Variants in NTM observed in about 807,000 individuals in gnomAD.
NTM encodes neurotrimin.
In NTM, 13 loss-of-function variants were observed where a neutral mutation model predicts 42.1. The ratio of observed to expected loss-of-function variants is 0.31; its 90% CI spans 0.20 to 0.49. The LOEUF is 0.49. NTM is among the 20% of genes least tolerant of loss of function. The pLI is 0.99. For missense variants in NTM, 373 were observed against 452.8 expected (o/e 0.82, Z 1.60); for synonymous variants, 187 against 179.2 (o/e 1.04, Z -0.35).
At chr11:132,276,361 C>T (rs2218731) in intron 4 of NTM, among the ~76,000 whole-genome samples, 34,784 of 152,010 alleles carry the variant, frequency 0.23, 4,864 homozygotes, top group East Asian at 0.66. Context: ...TAGTCAATAA[C>T]GGGATTCTTG....
chr11:132,230,016 T>G (rs1379593318), intron 4 of NTM, among the ~76,000 whole-genome samples: 1 of 152,254 alleles, frequency 6.6e-6, no homozygotes, highest in Non-Finnish European at 1.5e-5. Flanking sequence ...TCATTTAACC[T>G]GTACATGAGA....
intron 2 of NTM, among the ~76,000 whole-genome samples, chr11:131,927,377 C>T (rs1428511267): frequency 6.6e-6 from 1 of 152,186 alleles, no homozygotes; most frequent in African/African-American, 2.4e-5. Flanking sequence ...AAGCACCACA[C>T]CAGGATCCTG....
chr11:131,952,662 A>G (rs1015887977), intron 2 of NTM, among the ~76,000 whole-genome samples: 6 of 152,166 alleles, frequency 3.9e-5, no homozygotes, highest in Non-Finnish European at 1.5e-5. Context: ...AGACAGTGTG[A>G]CTGCATTTTT....
In NTM at chr11:132,065,852, A is replaced by G. The variant is rs111675103; in HGVS notation, c.168-80430A>G. Among the ~76,000 whole-genome samples the G allele has an allele frequency of 7.9e-4, 121 of 152,358 alleles. 1 individual carries two copies. Among genetic ancestry groups the G allele is most frequent in the African/African-American group, 2.6e-3 (107 of 41,578 alleles). ...TTGCTTACATTAAACTCAGAAAGGT[A>G]CAGAAACTTATCTGTGAGCACGTGG... On this transcript the variant is annotated intron_variant, in intron 2 of 8. Transcript: ENST00000683400.
At chr11:131,959,702 A>T (rs1352349064) in intron 2 of NTM, among the ~76,000 whole-genome samples, 6 of 152,202 alleles carry the variant, frequency 3.9e-5, no homozygotes, top group Admixed American at 3.9e-4. Context: ...ACTCTGACTG[A>T]TCAAGGTTGG....
chr11:131,738,152 C>T (rs1379207907), intron 1 of NTM, among the ~76,000 whole-genome samples: 2 of 152,160 alleles, frequency 1.3e-5, no homozygotes, highest in African/African-American at 2.4e-5. Flanking sequence ...GGCCAGCCCT[C>T]ACTCCTGGGT....
chr11:131,393,977 C>T (rs12417331), intron 1 of NTM, among the ~76,000 whole-genome samples: 1,898 of 152,264 alleles, frequency 0.012, 17 homozygotes, highest in Middle Eastern at 0.048. Context: ...TTAATAAGGC[C>T]GCTTTTTAAT....
intron 3 of NTM, among the ~76,000 whole-genome samples, chr11:132,183,975 C>T (rs1474552025): frequency 6.6e-6 from 1 of 150,832 alleles, no homozygotes; most frequent in Non-Finnish European, 1.5e-5. Flanking sequence ...TGAAAAAATC[C>T]TTCAGAAAAA....
chr11:132,096,466 G>T (rs561215203), intron 2 of NTM, among the ~76,000 whole-genome samples: 1 of 152,152 alleles, frequency 6.6e-6, no homozygotes, highest in Non-Finnish European at 1.5e-5. Flanking sequence ...ATGGGGAATA[G>T]AAATAGAACC....
intron 1 of NTM, among the ~76,000 whole-genome samples, chr11:131,742,412 G>T (rs2081306877): frequency 6.6e-6 from 1 of 151,900 alleles, no homozygotes; most frequent in Admixed American, 6.6e-5. Flanking sequence ...TTTATATTGT[G>T]ATAAAGACTA....
chr11:131,538,208 A>G (rs2052583568), intron 1 of NTM: 1 of 152,172 alleles, frequency 6.6e-6, no homozygotes, highest in South Asian at 2.1e-4. Context: ...GTTCCCCTGC[A>G]ATTCCAGCAA....
chr11:132,199,734 GT>G (rs777172375), intron 3 of NTM, among the ~76,000 whole-genome samples: 519 of 152,152 alleles, frequency 3.4e-3, no homozygotes, highest in Non-Finnish European at 4.0e-3. Context: ...AAGTTCACTT[GT>G]AATTTTTTTT....
chr11:131,540,196 C>T (rs2053018520), intron 1 of NTM, among the ~76,000 whole-genome samples: 2 of 114,028 alleles, frequency 1.8e-5, no homozygotes, highest in Admixed American at 2.6e-4. Context: ...ACGGAGTCTC[C>T]CTCTGTTGCC....
At chr11:131,495,278 C>T (rs1413953439) in intron 1 of NTM, among the ~76,000 whole-genome samples, 1 of 152,350 alleles carries the variant, frequency 6.6e-6, no homozygotes, top group Non-Finnish European at 1.5e-5. Context: ...CGGTAGTCCT[C>T]TCTCCCACAC....
intron 2 of NTM, among the ~76,000 whole-genome samples, chr11:131,915,017 T>C (rs2056048230): frequency 6.6e-6 from 1 of 152,248 alleles, no homozygotes; most frequent in Non-Finnish European, 1.5e-5. Flanking sequence ...GAAGCCAGGC[T>C]ATGAAGCACT....
intron 1 of NTM, among the ~76,000 whole-genome samples, chr11:131,704,508 G>A (rs904510383): frequency 6.6e-6 from 1 of 152,168 alleles, no homozygotes; most frequent in East Asian, 1.9e-4. Flanking sequence ...AAGGCAATAA[G>A]TAAAAACTGG....
chr11:131,585,859 T>A (rs2058811971), intron 1 of NTM, among the ~76,000 whole-genome samples: 1 of 152,204 alleles, frequency 6.6e-6, no homozygotes, highest in Admixed American at 6.5e-5. Flanking sequence ...TTTGCTAGTG[T>A]TTTTCCTTAC....
chr11:132,208,866 C>T (rs934294291), intron 3 of NTM, among the ~76,000 whole-genome samples: 2 of 152,160 alleles, frequency 1.3e-5, no homozygotes, highest in Admixed American at 1.3e-4. Flanking sequence ...CAGAGCATCT[C>T]GGAGTGCTTT....
intron 4 of NTM, among the ~76,000 whole-genome samples, chr11:132,214,840 T>C (rs1425798537): frequency 6.6e-6 from 1 of 152,228 alleles, no homozygotes; most frequent in Non-Finnish European, 1.5e-5. Flanking sequence ...ACAATCAGAA[T>C]GTACCTGTGG....
Sources: gnomAD v4.1 joint callset for allele counts (sites outside exome capture counted in the v4.1 genomes callset) on GRCh38, gnomAD v4.1.1 for gene constraint, MANE v1.5 for transcripts, NCBI Gene and HGNC (gene_info 2026-07-23, HGNC 2026-07-21) for gene names.